The following MARF1 variants were observed in gnomAD, a reference collection of about 807,000 sequenced individuals.
MARF1 encodes meiosis regulator and mRNA stability factor 1.
In MARF1, 24 loss-of-function variants were observed where a neutral mutation model predicts 168.2. The ratio of observed to expected loss-of-function variants is 0.14; its 90% CI spans 0.10 to 0.20. The LOEUF is 0.20. Among genes scored for constraint, MARF1 ranks in the 10% least tolerant of loss-of-function variants. MARF1 has a pLI of 1.00. For synonymous variants in MARF1, 868 were observed against 822.4 expected, an observed-to-expected ratio of 1.06 and a Z score of -0.95; for missense variants, 1,744 against 2,143.6, an observed-to-expected ratio of 0.81 and a Z score of 3.68.
chr16:15,616,612 A>G (rs2034066121), intron 15 of MARF1, among the ~76,000 whole-genome samples: 1 of 152,186 alleles, frequency 6.6e-6, no homozygotes, highest in Non-Finnish European at 1.5e-5. Context: ...TGATGGGGAT[A>G]TGTACTCAAT....
rs1446665883 is a variant in MARF1, at chr16:15,596,662, T to C, written c.*31A>G. 6.5e-7 allele frequency: 1 copy of C among 1,541,598 alleles called. No homozygotes were observed. The highest frequency in any genetic ancestry group is 2.0e-5 in the Admixed American group (1 of 50,312). ...TTGTGTGCAGAATCAGACAGTGTTT[T>C]CCCATCCTAATTCTATATTCCAAAT... On this transcript the variant is annotated 3_prime_UTR_variant, in exon 27 of 27. Coordinates refer to ENST00000396368, the MANE Select transcript of MARF1 (RefSeq NM_014647.4).
At chr16:15,630,134 A>T (rs569122062) in intron 7 of MARF1, 198 bp downstream of exon 7, 4 of 420,462 alleles carry the variant, frequency 9.5e-6, no homozygotes, top group African/African-American at 6.1e-5. Flanking sequence ...TGAAATAAAT[A>T]AAAGCAAACT....
chr16:15,618,499 G>GACTCAA (rs550584668), intron 13 of MARF1, among the ~76,000 whole-genome samples: 198 of 152,244 alleles, frequency 1.3e-3, no homozygotes, highest in African/African-American at 4.4e-3. Context: ...CTGTAGTGAT[G>GACTCAA]ACTCAAAAGT....
intron 16 of MARF1, among the ~76,000 whole-genome samples, chr16:15,613,116 A>C (rs1233361063): frequency 6.6e-6 from 1 of 152,194 alleles, no homozygotes; most frequent in Non-Finnish European, 1.5e-5. Context: ...ATCCTTCTGA[A>C]ACTTGGTCAT....
chr16:15,610,167 A>C lies in MARF1; in HGVS notation c.3752-442T>G, dbSNP rs1419555961. The C allele has an allele frequency of 2.6e-5, 4 of 155,306 alleles. No homozygotes were observed. In the Admixed American group the frequency reaches 2.6e-4, roughly 10 times the overall value. The allele number at this position is 155,306 out of a possible 1,614,324, so 9.6% of individuals were successfully genotyped here. ...TCTTCAGTTAAAACTTGCTAGCAGAAGAGAGAATCAGGCTTCAAAAGTTGA... is the reference window on the plus strand; with the variant it reads ...TCTTCAGTTAAAACTTGCTAGCAGACGAGAGAATCAGGCTTCAAAAGTTGA... On this transcript the variant is annotated intron_variant, in intron 19 of 26. Coordinates refer to ENST00000396368, the MANE Select transcript of MARF1 (RefSeq NM_014647.4).
intron 19 of MARF1, 36 bp downstream of exon 19, chr16:15,610,939 A>G: frequency 6.3e-7 from 1 of 1,598,788 alleles, no homozygotes; most frequent in Non-Finnish European, 8.6e-7. Context: ...AACAGGAGAT[A>G]GACAATATCC....
At chr16:15,641,036 A>G (rs993083610) in intron 1 of MARF1, among the ~76,000 whole-genome samples, 1 of 152,244 alleles carries the variant, frequency 6.6e-6, no homozygotes, top group Non-Finnish European at 1.5e-5. Context: ...TTGAGGCTAC[A>G]GTGAACTATA....
At position 15,617,463 on chromosome 16, in the gene MARF1, G is replaced by A. The variant is rs550771127; in HGVS notation, c.2793C>T (p.Asn931=). 3.3e-4 allele frequency: 528 copies of A among 1,613,928 alleles called. 6 individuals are homozygous for A. Among genetic ancestry groups the A allele is most frequent in the South Asian group, 1.7e-3 (151 of 91,076 alleles). Residue 931 remains asparagine (N), a synonymous_variant, in exon 14 of 27, where the codon AAC becomes AAT. Transcript: ENST00000396368. ...TDTVAIREQG[N]GRLVCLLPSS... is the part of the protein sequence containing the mutation. The stretch of plus-strand genomic sequence containing the variant: ...TGGGTAGGAGACACACCAGCCGTCC[G>A]TTTCCTTGTTCACGGATTGCGACCG...
In MARF1 at chr16:15,633,650, G is replaced by C. The variant is rs1247688474; in HGVS notation, c.1200C>G (p.Asn400Lys). 29 of 1,608,824 alleles carry C rather than the reference G, an allele frequency of 1.8e-5. No individual in the cohort carries two copies. Among genetic ancestry groups the C allele is most frequent in the African/African-American group, 2.7e-5 (2 of 74,436 alleles). ...FICVCDISKE[N>K]KEVIQELNNC... The stretch of plus-strand genomic sequence containing the variant: ...TATTCAGCTCTTGAATAACTTCCTT[G>C]TTTTCTTTACTGATGTCACATACAC... Residue 400 changes from asparagine (N) to lysine (K), a missense_variant, in exon 5 of 27, where the codon AAC becomes AAG. Physicochemically the swap from Asn to Lys is moderately conservative, Grantham distance 94. Coordinates refer to ENST00000396368, the MANE Select transcript of MARF1 (RefSeq NM_014647.4).
chr16:15,621,493 T>C (rs1596476280), intron 12 of MARF1: 1 of 502,184 alleles, frequency 2.0e-6, no homozygotes, highest in East Asian at 3.3e-5. Flanking sequence ...TATTTGAACA[T>C]GTTGCGTATT....
At chr16:15,613,493 C>G (rs1192183935) in intron 16 of MARF1, among the ~76,000 whole-genome samples, 1 of 151,358 alleles carries the variant, frequency 6.6e-6, no homozygotes, top group Non-Finnish European at 1.5e-5. Context: ...ACTAAAAATA[C>G]AAAAATAAAT....
intron 26 of MARF1, among the ~76,000 whole-genome samples, chr16:15,597,525 G>A (rs1272929747): frequency 1.3e-5 from 2 of 152,190 alleles, no homozygotes; most frequent in Non-Finnish European, 2.9e-5. Flanking sequence ...TGAGCCACAT[G>A]TAATTCACCT....
In MARF1 at chr16:15,631,493, G is replaced by T. The variant is rs370485027; in HGVS notation, c.1239C>A (p.Thr413=). 2 of 1,606,938 alleles carry T rather than the reference G, an allele frequency of 1.2e-6. No homozygotes were observed. The highest frequency in any genetic ancestry group is 1.7e-6 in the Non-Finnish European group (2 of 1,174,468). ...VIQELNNCQV[T]VAHINATAKN... ...TTGCAGTAGCATTGATGTGGGCAAC[G>T]GTTACCTGCATTAATTTATAATAAG... The change falls in exon 6 of 27, where the codon ACC becomes ACA. Residue 413 remains threonine, a synonymous_variant. Transcript: ENST00000396368.
intron 12 of MARF1, 138 bp downstream of exon 12, chr16:15,621,595 T>A (rs1596476445): frequency 1.2e-6 from 1 of 841,436 alleles, no homozygotes; most frequent in East Asian, 2.7e-5. Context: ...TCTAACTGTA[T>A]CAATCTAGAA....
chr16:15,642,423 T>C (rs756939755), intron 1 of MARF1: 5 of 152,204 alleles, frequency 3.3e-5, no homozygotes, highest in Non-Finnish European at 5.9e-5. Context: ...AGTTTAGGTT[T>C]CAATACACCG....
At position 15,609,625 on chromosome 16, in the gene MARF1, A is replaced by G. The variant is rs2033344598; in HGVS notation, c.3852T>C (p.Phe1284=). 1 of 1,614,202 alleles carries G rather than the reference A, an allele frequency of 6.2e-7. No individual in the cohort carries two copies. The highest frequency in any genetic ancestry group is 8.5e-7 in the Non-Finnish European group (1 of 1,180,022). ...CAAAGTGGTGATGGTAAGAAGGGAT[A>G]AATTTATTAAAGGGCATCCGGAAAT... The part of the protein sequence containing the change: ...QPHFRMPFNK[F]IPSYHHHFGR... The change falls in exon 20 of 27, where the codon TTT becomes TTC. Residue 1284 remains phenylalanine (F), a synonymous_variant. Transcript: ENST00000396368.
chr16:15,631,707 C>A (rs1403152505), intron 5 of MARF1, among the ~76,000 whole-genome samples: 1 of 152,136 alleles, frequency 6.6e-6, no homozygotes, highest in Non-Finnish European at 1.5e-5. Flanking sequence ...TATGCCCCCA[C>A]ATGTATTAGG....
chr16:15,604,048 T>C (rs2032779379), intron 22 of MARF1, 120 bp downstream of exon 22: 1 of 765,320 alleles, frequency 1.3e-6, no homozygotes, highest in African/African-American at 1.8e-5. Context: ...TGTTCATCCA[T>C]GAAATGGTCT....
chr16:15,639,583 T>C (rs954702958), intron 1 of MARF1, among the ~76,000 whole-genome samples: 2 of 152,164 alleles, frequency 1.3e-5, no homozygotes, highest in African/African-American at 4.8e-5. Context: ...ATATTTTTAG[T>C]AGAGATGGGG....
Sources: allele counts gnomAD v4.1 joint callset (sites outside exome capture counted in the v4.1 genomes callset), GRCh38; gene constraint gnomAD v4.1.1; transcripts MANE v1.5; gene names NCBI Gene and HGNC (gene_info 2026-07-23, HGNC 2026-07-21).